MYO16: variants seen among roughly 807,000 people sequenced by gnomAD.
The protein encoded by MYO16 is myosin XVI.
Under a neutral mutation model 205.3 loss-of-function variants are expected in MYO16, and 94 were observed. The observed-to-expected ratio is 0.46, with a 90% CI of 0.39 to 0.54. The LOEUF (loss-of-function observed/expected upper bound fraction) is 0.54, where lower values mean the gene tolerates loss of function less well. Ranked by LOEUF, MYO16 falls within the 20% of genes least tolerant of loss-of-function variation. The probability of loss-of-function intolerance (pLI) is 0.00; values close to 1 mark genes in which losing one functional copy is unlikely to be tolerated. For missense variants in MYO16, 2,315 were observed against 2,387.5 expected, an observed-to-expected ratio of 0.97 and a Z score of 0.63; for synonymous variants, 988 against 954.0, an observed-to-expected ratio of 1.04 and a Z score of -0.66.
chr13:108,886,474 A>C lies in MYO16; in HGVS notation c.1554-1898A>C, dbSNP rs1021146696. 26 of 456,082 alleles carry C rather than the reference A, an allele frequency of 5.7e-5. No individual in the cohort carries two copies. The Admixed American group carries it at 6.1e-4, about 11-fold the overall frequency. The allele number at this position is 456,082 out of a possible 1,614,324, so 28.3% of individuals were successfully genotyped here. A position where few individuals can be genotyped will look rare whatever the true frequency, so the allele number is the denominator to read the frequency against. On this transcript the variant is annotated intron_variant, in intron 13 of 34. Coordinates refer to ENST00000457511, the MANE Select transcript of MYO16 (RefSeq NM_001198950.3). ...GCGGACACGAGAGAGTAAGTGGAGT[A>C]GAATTTATTATGCGAAAGGGAAGCT... is the stretch of plus-strand genomic sequence containing the variant.
chr13:108,671,959 G>C lies in MYO16; in HGVS notation c.292+5810G>C, dbSNP rs2139447042. Among the ~76,000 whole-genome samples, 3 of 152,244 alleles carry C rather than the reference G, an allele frequency of 2.0e-5. No homozygotes were observed. In the South Asian group the frequency reaches 6.2e-4, roughly 32 times the overall value. ...TCTACATATGATTTTTGAGGGAAAG[G>C]AACATTTAATCTGTAATAGGGCATA... On this transcript the variant is annotated intron_variant, in intron 2 of 34. Coordinates refer to ENST00000457511, the MANE Select transcript of MYO16 (RefSeq NM_001198950.3).
chr13:109,164,346 G>T (rs376880055), intron 32 of MYO16, among the ~76,000 whole-genome samples: 1 of 152,022 alleles, frequency 6.6e-6, no homozygotes, highest in Non-Finnish European at 1.5e-5. Flanking sequence ...TTTCGTGTTC[G>T]TACCTCTCAA....
intron 23 of MYO16, among the ~76,000 whole-genome samples, chr13:109,037,777 A>G (rs897237429): frequency 6.6e-5 from 10 of 152,234 alleles, no homozygotes; most frequent in African/African-American, 2.4e-4. Flanking sequence ...AAACTCAGTA[A>G]CTTGCCCTGG....
the MYO16 span, among the ~76,000 whole-genome samples, chr13:108,552,910 G>C: frequency 6.6e-6 from 1 of 151,072 alleles, no homozygotes; most frequent in Non-Finnish European, 1.5e-5. Flanking sequence ...GACTGAACTT[G>C]CCCCTTTTAG....
intron 2 of MYO16, among the ~76,000 whole-genome samples, chr13:108,711,646 T>C (rs905997078): frequency 6.6e-6 from 1 of 152,118 alleles, no homozygotes; most frequent in Admixed American, 6.5e-5. Flanking sequence ...GCAGTGAGAT[T>C]TGGGGAAGAT....
At chr13:108,693,044 G>A (rs1165440937) in intron 2 of MYO16, among the ~76,000 whole-genome samples, 1 of 152,158 alleles carries the variant, frequency 6.6e-6, no homozygotes, top group African/African-American at 2.4e-5. Flanking sequence ...CAAAGTTGCT[G>A]TCTTTATACC....
intron 14 of MYO16, among the ~76,000 whole-genome samples, chr13:108,889,090 G>A: frequency 6.6e-6 from 1 of 152,014 alleles, no homozygotes; most frequent in Admixed American, 6.6e-5. Flanking sequence ...GCACTTTGGT[G>A]TGTTAGGACA....
intron 27 of MYO16, among the ~76,000 whole-genome samples, chr13:109,075,619 C>T (rs902741231): frequency 5.3e-5 from 8 of 152,062 alleles, no homozygotes; most frequent in Non-Finnish European, 1.2e-4. Flanking sequence ...CGTGATCTGC[C>T]TGCCCAACCC....
chr13:108,730,844 T>C (rs1251863462), intron 4 of MYO16, among the ~76,000 whole-genome samples: 1 of 152,222 alleles, frequency 6.6e-6, no homozygotes, highest in African/African-American at 2.4e-5. Context: ...TGTGGAGAGT[T>C]CTAGACACTC....
At chr13:109,151,216 G>C (rs1877644130) in intron 32 of MYO16, among the ~76,000 whole-genome samples, 1 of 152,032 alleles carries the variant, frequency 6.6e-6, no homozygotes, top group Non-Finnish European at 1.5e-5. Flanking sequence ...TTCACCCAGT[G>C]CTTCATTCCA....
At chr13:108,763,147 C>G (rs560710259) in intron 4 of MYO16, among the ~76,000 whole-genome samples, 1 of 152,154 alleles carries the variant, frequency 6.6e-6, no homozygotes, top group African/African-American at 2.4e-5. Context: ...TACTATGAGC[C>G]AGGAATGACG....
chr13:109,177,307 C>G (rs186696395), intron 33 of MYO16, among the ~76,000 whole-genome samples: 2 of 152,298 alleles, frequency 1.3e-5, no homozygotes, highest in African/African-American at 2.4e-5. Context: ...AATTGACTTT[C>G]TCAAGGGTGG....
chr13:108,963,151 G>A (rs2139370482), intron 19 of MYO16, among the ~76,000 whole-genome samples: 1 of 152,316 alleles, frequency 6.6e-6, no homozygotes, highest in South Asian at 2.1e-4. Flanking sequence ...TGATCTTCAA[G>A]TACTCACTCT....
At chr13:108,812,810 G>C (rs1214559144) in intron 7 of MYO16, among the ~76,000 whole-genome samples, 2 of 152,106 alleles carry the variant, frequency 1.3e-5, no homozygotes, top group Non-Finnish European at 2.9e-5. Context: ...AATTGCAGGA[G>C]TGTTTCTCTC....
chr13:109,178,423 G>A (rs1879313722), intron 33 of MYO16, among the ~76,000 whole-genome samples: 1 of 152,142 alleles, frequency 6.6e-6, no homozygotes, highest in South Asian at 2.1e-4. Flanking sequence ...ACTTCCCTGA[G>A]GAACTCTCTC....
Position 109,141,208 on chromosome 13 carries a change from A to G in MYO16, c.4996A>G (p.Arg1666Gly), listed in dbSNP as rs1435995992. 2.5e-6 allele frequency: 4 copies of G among 1,606,628 alleles called. No homozygotes were observed. The highest frequency in any genetic ancestry group is 3.4e-6 in the Non-Finnish European group (4 of 1,176,590). ...KIPYSPVKAT[R>G]ADARKAGSSA... ...CCCATATTCCCCCGTGAAGGCCACC[A>G]GGGCGGACGCCAGGAAGGCCGGCTC... The change falls in exon 32 of 35, where the codon AGG (arginine) becomes GGG (glycine). Residue 1666 changes from arginine (R) to glycine (G), a missense_variant. Around this residue, in one of 3 missense-constraint regions of MYO16, gnomAD observed 1,097 missense variants for 1,092.0 expected, o/e 1.00. Coordinates refer to ENST00000457511, the MANE Select transcript of MYO16 (RefSeq NM_001198950.3). This position sits in a 1 kb window ranked among gnomAD's most constrained non-coding sequence, Gnocchi z 4.1.
At chr13:109,202,536 A>G (rs1405245440) in intron 34 of MYO16, among the ~76,000 whole-genome samples, 1 of 152,156 alleles carries the variant, frequency 6.6e-6, no homozygotes, top group African/African-American at 2.4e-5. Context: ...TCCTTAGCCC[A>G]CTTCGAAAGA....
intron 28 of MYO16, among the ~76,000 whole-genome samples, chr13:109,106,170 G>A (rs916755177): frequency 2.0e-5 from 3 of 152,174 alleles, no homozygotes; most frequent in South Asian, 2.1e-4. Flanking sequence ...TTTATGAAAC[G>A]AAGAGTTCAT....
chr13:109,003,698 A>G (rs190242024), intron 21 of MYO16, among the ~76,000 whole-genome samples: 2 of 152,344 alleles, frequency 1.3e-5, no homozygotes, highest in Admixed American at 1.3e-4. Flanking sequence ...TGAAGCCAAT[A>G]TTCAATTCAG....
Sources: gnomAD v4.1 joint callset for allele counts (sites outside exome capture counted in the v4.1 genomes callset) on GRCh38, gnomAD v4.1.1 for gene constraint, gnomAD v4.1.1 regional missense constraint, Gnocchi (gnomAD v3.1) non-coding constraint, MANE v1.5 for transcripts, NCBI Gene and HGNC (gene_info 2026-07-23, HGNC 2026-07-21) for gene names.